The following PAH variants were observed in gnomAD, a reference collection of about 807,000 sequenced individuals.
PAH encodes phenylalanine-4-hydroxylase.
Under a neutral mutation model 62.0 loss-of-function variants are expected in PAH, and 64 were observed. The observed-to-expected ratio is 1.03, with a 90% CI of 0.84 to 1.27. The LOEUF (loss-of-function observed/expected upper bound fraction) is 1.27, where lower values mean the gene tolerates loss of function less well. PAH is among the 50% of genes most tolerant of loss of function. The probability of loss-of-function intolerance (pLI) is 0.00; values close to 1 mark genes in which losing one functional copy is unlikely to be tolerated. For missense variants in PAH, 579 were observed against 542.8 expected, an observed-to-expected ratio of 1.07 and a Z score of -0.66; for synonymous variants, 195 against 196.2, an observed-to-expected ratio of 0.99 and a Z score of 0.05.
At chr12:102,903,417 ATGG>A (rs200551959) in intron 2 of PAH, among the ~76,000 whole-genome samples, 2,382 of 151,570 alleles carry the variant, frequency 0.016, 77 homozygotes, top group African/African-American at 0.055. Context: ...AACCTTATGT[ATGG>A]AGCAATAATC....
chr12:102,873,868 C>T (rs1435064480), intron 4 of PAH, among the ~76,000 whole-genome samples: 2 of 152,166 alleles, frequency 1.3e-5, no homozygotes, highest in Admixed American at 1.3e-4. Flanking sequence ...AATTTGCATA[C>T]TTAAAGTAGG....
intron 1 of PAH, among the ~76,000 whole-genome samples, chr12:102,929,346 A>C: frequency 6.6e-6 from 1 of 152,192 alleles, no homozygotes; most frequent in East Asian, 1.9e-4. Flanking sequence ...TTCCCTAGGA[A>C]GTTTTTGCAA....
At chr12:102,856,919 A>C (rs1388032297) in intron 5 of PAH, among the ~76,000 whole-genome samples, 2 of 152,262 alleles carry the variant, frequency 1.3e-5, no homozygotes, top group African/African-American at 4.8e-5. Flanking sequence ...TCTAAAAATC[A>C]GAGCACCTCT....
At chr12:102,950,957 T>G (rs1879733949), upstream of PAH, 1 of 150,558 alleles carries the variant, frequency 6.6e-6, no homozygotes, top group Non-Finnish European at 1.5e-5. Context: ...ATAGTGTGTG[T>G]GTTGTGGCTG....
chr12:102,941,421 C>T (rs1316554959), intron 1 of PAH, among the ~76,000 whole-genome samples: 1 of 152,106 alleles, frequency 6.6e-6, no homozygotes, highest in Non-Finnish European at 1.5e-5. Flanking sequence ...AACCATCTGA[C>T]ATGAATGACA....
At chr12:102,958,143 T>C in intron 1 of PAH, 1 of 841,716 alleles carries the variant, frequency 1.2e-6, no homozygotes, top group Non-Finnish European at 1.6e-6. Flanking sequence ...TTTCTTTCCC[T>C]CTCTGTTCCT....
chr12:102,949,496 G>A (rs1007095178), intron 1 of PAH, among the ~76,000 whole-genome samples: 3 of 152,250 alleles, frequency 2.0e-5, no homozygotes, highest in Non-Finnish European at 4.4e-5. Flanking sequence ...TATAGAGCCT[G>A]AGAGACGATG....
At chr12:102,874,442 T>C (rs535399125) in intron 4 of PAH, among the ~76,000 whole-genome samples, 48 of 152,310 alleles carry the variant, frequency 3.2e-4, no homozygotes, top group African/African-American at 1.1e-3. Context: ...CTTTCTTTTA[T>C]ATGGCCTGAG....
At chr12:102,925,349 A>G (rs773138153) in intron 1 of PAH, among the ~76,000 whole-genome samples, 10 of 152,138 alleles carry the variant, frequency 6.6e-5, no homozygotes, top group Admixed American at 5.9e-4. Context: ...GAAAGGTTCA[A>G]GACAGAAGAA....
At chr12:102,844,310 AT>A in intron 10 of PAH, 25 bp downstream of exon 10, 1 of 1,486,118 alleles carries the variant, frequency 6.7e-7, no homozygotes, top group Non-Finnish European at 9.4e-7. Flanking sequence ...TTTTAAATCT[AT>A]CCTTGGTTCC....
intron 3 of PAH, among the ~76,000 whole-genome samples, chr12:102,878,102 G>T (rs980588411): frequency 6.6e-6 from 1 of 152,288 alleles, no homozygotes; most frequent in East Asian, 1.9e-4. Context: ...TGGGATTACA[G>T]GCATGAGCCA....
rs1182277046 is a variant in PAH, at chr12:102,868,126, GTATATATATATATATATATATATA to G, written c.442-1487_442-1464del. ...TATACACATATATATACATATATGTGTATATATATATATATATATATATATATACACATATATATACATATATGT... is the reference window on the plus strand; with the variant it reads ...TATACACATATATATACATATATGTGTATACACATATATATACATATATGT... On this transcript the variant is annotated intron_variant, in intron 4 of 12. Transcript: ENST00000553106. 1.2e-3 allele frequency among the ~76,000 whole-genome samples: 8 copies of G among 6,430 alleles called. 1 individual carries two copies. Among genetic ancestry groups the G allele is most frequent in the Non-Finnish European group, 3.8e-3 (8 of 2,100 alleles). The allele number at this position is 6,430 out of a possible 152,430, so 4.2% of individuals were successfully genotyped here.
chr12:102,866,600 G>A lies in PAH; in HGVS notation c.505C>T (p.Arg169Cys), dbSNP rs281865440. Residue 169 changes from arginine to cysteine, a missense_variant, in exon 5 of 13, where the codon CGC (arginine) becomes TGC (cysteine). Transcript: ENST00000553106. Reference sequence around the variant, plus strand: ...CAACAAGCAAGGCAGACTTACTGGCGGTAGTTGTAGGCAATGTCAGCAAAC... The same window carrying A: ...CAACAAGCAAGGCAGACTTACTGGCAGTAGTTGTAGGCAATGTCAGCAAAC... The part of the protein sequence containing the change: ...KQFADIAYNY[R>C]HGQPIPRVEY... The A allele has an allele frequency of 6.8e-6, 11 of 1,612,640 alleles. No individual in the cohort carries two copies. Among genetic ancestry groups the A allele is most frequent in the African/African-American group, 6.7e-5 (5 of 74,956 alleles).
In PAH at chr12:102,933,067, G is replaced by A. The variant is rs911794231; in HGVS notation, c.-95-15842C>T. On this transcript the variant is annotated intron_variant, in intron 1 of 3. Coordinates refer to the PAH transcript ENST00000546844. Reference sequence around the variant, plus strand: ...TCTGTTGTGCTGTCAAATACTAGACGTTTTTCATTCTATATCACTATATTT... The same window carrying A: ...TCTGTTGTGCTGTCAAATACTAGACATTTTTCATTCTATATCACTATATTT... 4.6e-5 allele frequency among the ~76,000 whole-genome samples: 7 copies of A among 152,066 alleles called. 1 individual carries two copies. Among genetic ancestry groups the A allele is most frequent in the Non-Finnish European group, 8.8e-5 (6 of 68,016 alleles).
chr12:102,837,711 AG>A lies in PAH; in HGVS notation c.*1463del, dbSNP rs1207400497. 1 of 152,246 alleles carries A rather than the reference AG, an allele frequency of 6.6e-6. No individual in the cohort carries two copies. Among genetic ancestry groups the A allele is most frequent in the Non-Finnish European group, 1.5e-5 (1 of 68,038 alleles). 9.4% of individuals were successfully genotyped at this position (152,246 alleles called of 1,614,324 possible). A position where few individuals can be genotyped will look rare whatever the true frequency, so the allele number is the denominator to read the frequency against. ...GGCTGCAATGGACCTTGGTTTATAA[AG>A]TTTAACTCCCTCATTGTTAGAGTGA... On this transcript the variant is annotated 3_prime_UTR_variant, in exon 13 of 13. Coordinates refer to ENST00000553106, the MANE Select transcript of PAH (RefSeq NM_000277.3).
upstream of PAH, chr12:102,917,494 C>T: frequency 3.0e-6 from 1 of 328,458 alleles, no homozygotes; most frequent in South Asian, 2.9e-5. Context: ...GGTTTAGGCA[C>T]TTCCGGGACT....
intron 8 of PAH, among the ~76,000 whole-genome samples, chr12:102,848,259 G>A (rs1003508755): frequency 2.6e-5 from 4 of 151,914 alleles, no homozygotes; most frequent in Admixed American, 6.6e-5. Flanking sequence ...AAGGGGTTGA[G>A]GATAGACAGG....
intron 4 of PAH, 58 bp downstream of exon 4, chr12:102,877,404 G>A (rs1269004203): frequency 8.8e-7 from 1 of 1,137,814 alleles, no homozygotes; most frequent in Non-Finnish European, 1.3e-6. Context: ...GTAAGAGGAA[G>A]GGAGGGGAGT....
intron 1 of PAH, among the ~76,000 whole-genome samples, chr12:102,932,636 A>G (rs1015427286): frequency 6.6e-6 from 1 of 152,184 alleles, no homozygotes; most frequent in African/African-American, 2.4e-5. Flanking sequence ...CACCAACTCA[A>G]TTCACTTCTT....
Sources: gnomAD v4.1 joint callset for allele counts (sites outside exome capture counted in the v4.1 genomes callset) on GRCh38, gnomAD v4.1.1 for gene constraint, MANE v1.5 for transcripts, NCBI Gene and HGNC (gene_info 2026-07-23, HGNC 2026-07-21) for gene names.